Variants in TAFA5 observed in about 807,000 individuals in gnomAD.
The protein encoded by TAFA5 is chemokine-like protein TAFA-5.
A neutral mutation model predicts 15.3 loss-of-function variants in TAFA5; 6 were observed. The observed-to-expected ratio is 0.39, with a 90% CI of 0.21 to 0.77. TAFA5 has a LOEUF of 0.77. Among genes scored for constraint, TAFA5 ranks in the 30% least tolerant of loss-of-function variants. The pLI is 0.41. For synonymous variants in TAFA5, 103 were observed against 80.7 expected, an observed-to-expected ratio of 1.28 and a Z score of -1.48; for missense variants, 161 against 193.1, an observed-to-expected ratio of 0.83 and a Z score of 0.98.
chr22:48,507,802 G>A (rs1403014308), intron 1 of TAFA5, among the ~76,000 whole-genome samples: 1 of 152,160 alleles, frequency 6.6e-6, no homozygotes, highest in Non-Finnish European at 1.5e-5. Flanking sequence ...GGAGCTGTCG[G>A]GATGGACAGC....
At chr22:48,599,250 T>C (rs974896010) in intron 1 of TAFA5, among the ~76,000 whole-genome samples, 1 of 152,224 alleles carries the variant, frequency 6.6e-6, no homozygotes, top group East Asian at 1.9e-4. Flanking sequence ...TCAATCTGCC[T>C]TGGTCTTCCT....
At chr22:48,541,696 C>T (rs539741985) in intron 1 of TAFA5, among the ~76,000 whole-genome samples, 27 of 152,176 alleles carry the variant, frequency 1.8e-4, no homozygotes, top group Admixed American at 3.3e-4. Flanking sequence ...GCCACAGACA[C>T]ACAGGACCCT....
chr22:48,732,552 G>C (rs1271636640), intron 3 of TAFA5, among the ~76,000 whole-genome samples: 3 of 152,202 alleles, frequency 2.0e-5, no homozygotes, highest in South Asian at 4.1e-4. Flanking sequence ...ACCACGCCTG[G>C]CCAGAAAGTG....
intron 1 of TAFA5, among the ~76,000 whole-genome samples, chr22:48,541,628 G>A (rs992063804): frequency 7.9e-5 from 12 of 152,154 alleles, no homozygotes; most frequent in Non-Finnish European, 1.8e-4. Flanking sequence ...TGGGAGGGTG[G>A]AGGGAGGCCA....
chr22:48,513,554 ACCCGGAGGCTTCC>A (rs969812050), intron 1 of TAFA5, among the ~76,000 whole-genome samples: 1 of 152,174 alleles, frequency 6.6e-6, no homozygotes, highest in African/African-American at 2.4e-5. Context: ...AAGCTCCAGG[ACCCGGAGGCTTCC>A]CAAGGCTGAA....
chr22:48,722,168 C>T (rs539723672), intron 3 of TAFA5, among the ~76,000 whole-genome samples: 3 of 152,266 alleles, frequency 2.0e-5, no homozygotes, highest in South Asian at 2.1e-4. Context: ...AGTGTAAAAG[C>T]GTTCCTATTT....
chr22:48,636,207 A>T (rs1926439475), intron 1 of TAFA5, among the ~76,000 whole-genome samples: 1 of 152,180 alleles, frequency 6.6e-6, no homozygotes, highest in South Asian at 2.1e-4. Flanking sequence ...GAGATCGTTG[A>T]CTTTGCTAGC....
At chr22:48,622,556 A>G (rs1169601095) in intron 1 of TAFA5, among the ~76,000 whole-genome samples, 3 of 152,192 alleles carry the variant, frequency 2.0e-5, no homozygotes. Context: ...GCTGGAGCAG[A>G]CATGGAGGGG....
intron 3 of TAFA5, among the ~76,000 whole-genome samples, chr22:48,724,038 G>A (rs571063704): frequency 6.6e-6 from 1 of 152,258 alleles, no homozygotes; most frequent in Admixed American, 6.5e-5. Context: ...GACTCGGGGT[G>A]CTGGTTGCAT....
At chr22:48,642,868 G>A (rs950598079) in intron 1 of TAFA5, among the ~76,000 whole-genome samples, 3 of 152,120 alleles carry the variant, frequency 2.0e-5, no homozygotes, top group African/African-American at 7.2e-5. Context: ...TGGTACACAG[G>A]GGGAACAGCT....
At chr22:48,686,339 G>A (rs1036632420) in intron 2 of TAFA5, among the ~76,000 whole-genome samples, 3 of 152,196 alleles carry the variant, frequency 2.0e-5, no homozygotes, top group African/African-American at 7.2e-5. Context: ...CAGTAGGGTC[G>A]GGTTCTGGTG....
intron 2 of TAFA5, among the ~76,000 whole-genome samples, chr22:48,653,831 A>G (rs1017196120): frequency 1.3e-5 from 2 of 151,960 alleles, no homozygotes; most frequent in Non-Finnish European, 2.9e-5. Flanking sequence ...GGTGAAGGAG[A>G]GGAGACCCCA....
At chr22:48,600,291 C>T (rs1443339562) in intron 1 of TAFA5, among the ~76,000 whole-genome samples, 1 of 152,164 alleles carries the variant, frequency 6.6e-6, no homozygotes, top group Non-Finnish European at 1.5e-5. Context: ...GCGCCTACCA[C>T]GGGCAGTAAG....
intron 1 of TAFA5, among the ~76,000 whole-genome samples, chr22:48,515,990 C>T (rs1921392200): frequency 6.6e-6 from 1 of 152,086 alleles, no homozygotes. Context: ...CCACCCTCCC[C>T]ACCCCAGCCT....
At chr22:48,692,924 C>T (rs977877485) in intron 2 of TAFA5, among the ~76,000 whole-genome samples, 5 of 152,218 alleles carry the variant, frequency 3.3e-5, no homozygotes, top group Admixed American at 2.6e-4. Flanking sequence ...AGGGATGGGG[C>T]ACCGTTGAGG....
intron 1 of TAFA5, among the ~76,000 whole-genome samples, chr22:48,632,560 A>C (rs189576163): frequency 1.3e-4 from 19 of 151,384 alleles, no homozygotes; most frequent in African/African-American, 4.2e-4. Context: ...ACTAGGGTGA[A>C]ACAAGACGCA....
intron 2 of TAFA5, among the ~76,000 whole-genome samples, chr22:48,660,517 A>G (rs960744777): frequency 6.6e-6 from 1 of 152,222 alleles, no homozygotes; most frequent in South Asian, 2.1e-4. Context: ...TTTCCCCTAG[A>G]GACAATTCTT....
At chr22:48,685,076 C>T (rs1167315679) in intron 2 of TAFA5, among the ~76,000 whole-genome samples, 3 of 152,138 alleles carry the variant, frequency 2.0e-5, no homozygotes, top group African/African-American at 4.8e-5. Context: ...TTAAGATGTA[C>T]GTTGGTTTGG....
intron 1 of TAFA5, among the ~76,000 whole-genome samples, chr22:48,574,623 C>A (rs1207292087): frequency 6.6e-6 from 1 of 152,174 alleles, no homozygotes; most frequent in Non-Finnish European, 1.5e-5. Context: ...ACCAGCACTG[C>A]CCCCACCCTG....
Sources: gnomAD v4.1 joint callset for allele counts (sites outside exome capture counted in the v4.1 genomes callset) on GRCh38, gnomAD v4.1.1 for gene constraint, MANE v1.5 for transcripts, NCBI Gene and HGNC (gene_info 2026-07-23, HGNC 2026-07-21) for gene names.